MMP9: variants seen among roughly 807,000 people sequenced by gnomAD.
MMP9 encodes the protein matrix metallopeptidase 9.
Under a neutral mutation model 76.4 loss-of-function variants are expected in MMP9, and 73 were observed. The observed-to-expected ratio is 0.96, with a 90% CI of 0.79 to 1.16. The LOEUF is 1.16. MMP9 is among the 50% of genes most tolerant of loss of function. The pLI is 0.00. For missense variants in MMP9, 943 were observed against 973.0 expected, an observed-to-expected ratio of 0.97 and a Z score of 0.41; for synonymous variants, 412 against 408.4, an observed-to-expected ratio of 1.01 and a Z score of -0.11.
chr20:46,014,520 C>T (rs565319462), intron 12 of MMP9, 46 bp downstream of exon 12: 50 of 1,490,016 alleles, frequency 3.4e-5, no homozygotes, highest in Non-Finnish European at 4.5e-5. Context: ...CACTAAGCTC[C>T]TCTTAGTGAG....
At chr20:46,010,777 T>C (rs1296040751) in intron 3 of MMP9, 145 bp from the exon 4 acceptor site, 6 of 1,555,594 alleles carry the variant, frequency 3.9e-6, no homozygotes, top group Non-Finnish European at 5.2e-6. Flanking sequence ...TGCCAGACAG[T>C]GCACAGGGCC....
chr20:46,011,461 T>C (rs1174851447), intron 5 of MMP9, 113 bp from the exon 6 acceptor site: 1 of 1,568,920 alleles, frequency 6.4e-7, no homozygotes. Context: ...TGAGAAATGA[T>C]GAGAGATGGG....
At chr20:46,012,351 G>C (rs1204172684) in intron 7 of MMP9, 38 bp downstream of exon 7, 2 of 1,612,630 alleles carry the variant, frequency 1.2e-6, no homozygotes, top group Admixed American at 1.7e-5. Context: ...TGGGGTTCCC[G>C]GCAGTGGTGG....
chr20:46,010,320 A>AC (rs2084267995), intron 2 of MMP9, among the ~76,000 whole-genome samples, 163 bp from the exon 3 acceptor site: 1 of 99,368 alleles, frequency 1.0e-5, no homozygotes, highest in Non-Finnish European at 1.9e-5. Flanking sequence ...GTCTAAGTAG[A>AC]CAAAAAAAAA....
At position 46,010,971 on chromosome 20, in the gene MMP9, C is replaced by A. The variant is rs778997562; in HGVS notation, c.570C>A (p.His190Gln). 6.2e-7 allele frequency: 1 copy of A among 1,614,230 alleles called. No homozygotes were observed. Among genetic ancestry groups the A allele is most frequent in the South Asian group, 1.1e-5 (1 of 91,088 alleles). ...PFDGKDGLLA[H>Q]AFPPGPGIQG... ...ACGGGAAGGACGGGCTCCTGGCACA[C>A]GCCTTTCCTCCTGGCCCCGGCATTC... The change falls in exon 4 of 13, where the codon CAC (histidine) becomes CAA (glutamine). Residue 190 changes from histidine (H) to glutamine (Q), a missense_variant. Physicochemically the swap from His to Gln is conservative, Grantham distance 24. Transcript: ENST00000372330.
At chr20:46,012,026 C>A in intron 6 of MMP9, 111 bp from the exon 7 acceptor site, 1 of 1,410,682 alleles carries the variant, frequency 7.1e-7, no homozygotes, top group Non-Finnish European at 9.7e-7. Flanking sequence ...CTCAGGAGTG[C>A]TCTACAGCGC....
chr20:46,016,402 T>A lies in MMP9; in HGVS notation c.*34T>A. The A allele has an allele frequency of 1.3e-6, 2 of 1,567,218 alleles. No individual in the cohort carries two copies. Among genetic ancestry groups the A allele is most frequent in the Non-Finnish European group, 1.8e-6 (2 of 1,137,536 alleles). ...TCCTGCTTTGGCAGTGCCATGTAAATCCCCACTGGGACCAACCCTGGGGAA... is the reference window on the plus strand; with the variant it reads ...TCCTGCTTTGGCAGTGCCATGTAAAACCCCACTGGGACCAACCCTGGGGAA... On this transcript the variant is annotated 3_prime_UTR_variant, in exon 13 of 13. Transcript: ENST00000372330.
chr20:46,014,835 G>A (rs1304819876), intron 12 of MMP9: 1 of 285,930 alleles, frequency 3.5e-6, no homozygotes, highest in Non-Finnish European at 6.7e-6. Context: ...CTTTGGGCAA[G>A]TCACTGCTTC....
Position 46,008,968 on chromosome 20 carries a change from G to A in MMP9, c.42G>A (p.Leu14=). The change falls in exon 1 of 13, where the codon CTG becomes CTA. Residue 14 remains leucine (L), a synonymous_variant. Transcript: ENST00000372330. ...CCCTGGTCCTGGTGCTCCTGGTGCTGGGCTGCTGCTTTGCTGCCCCCAGAC... is the reference window on the plus strand; with the variant it reads ...CCCTGGTCCTGGTGCTCCTGGTGCTAGGCTGCTGCTTTGCTGCCCCCAGAC... ...WQPLVLVLLV[L]GCCFAAPRQR... 1.2e-6 allele frequency: 2 copies of A among 1,614,022 alleles called. No homozygotes were observed. Among genetic ancestry groups the A allele is most frequent in the East Asian group, 4.5e-5 (2 of 44,866 alleles).
At chr20:46,010,342 C>CAAAAA in intron 2 of MMP9, 141 bp from the exon 3 acceptor site, 1 of 325,038 alleles carries the variant, frequency 3.1e-6, no homozygotes, top group Non-Finnish European at 5.4e-6. Flanking sequence ...AAAAAAAAAA[C>CAAAAA]AGTCTGGAAG....
At chr20:46,014,700 T>G in intron 12 of MMP9, 1 of 607,318 alleles carries the variant, frequency 1.6e-6, no homozygotes, top group Non-Finnish European at 2.9e-6. Flanking sequence ...AAGCTCTTTC[T>G]CCTTCAGTAC....
rs542977358 is a variant in MMP9 at position 46,009,777 on chromosome 20, T to C, written c.139-89T>C. 9.7e-6 allele frequency: 11 copies of C among 1,133,088 alleles called. No homozygotes were observed. In the South Asian group the frequency reaches 1.5e-4, roughly 15 times the overall value. The allele number at this position is 1,133,088 out of a possible 1,614,324, so 70.2% of individuals were successfully genotyped here. On this transcript the variant is annotated intron_variant, in intron 1 of 12. Transcript: ENST00000372330. Reference sequence around the variant, plus strand: ...AAAAAGAAAAAGAAAAAAGACTCCCTCCATGAGTGTCTGGAGGGAGTCCTT... The same window carrying C: ...AAAAAGAAAAAGAAAAAAGACTCCCCCCATGAGTGTCTGGAGGGAGTCCTT...
Position 46,010,332 on chromosome 20 carries a change from A to AAAAAAACAAACAAACAAAC in MMP9, c.372-145_372-144insCAAACAAACAAACAAAAAA, listed in dbSNP as rs1568846641. ...AGGGTCTAAGTAGACAAAAAAAAAA[A>AAAAAAACAAACAAACAAAC]AAAAAAAAACAGTCTGGAAGCAATT... On this transcript the variant is annotated intron_variant, in intron 2 of 12. Transcript: ENST00000372330. 3 of 772,216 alleles carry AAAAAAACAAACAAACAAAC rather than the reference A, an allele frequency of 3.9e-6. No individual in the cohort carries two copies. In the African/African-American group the frequency reaches 5.5e-5, roughly 14 times the overall value. 47.8% of individuals were successfully genotyped at this position (772,216 alleles called of 1,614,324 possible).
chr20:46,011,568 C>CCCCAGGACTCTACA lies in MMP9; in HGVS notation c.827_840dup. 1.2e-5 allele frequency: 19 copies of CCCCAGGACTCTACA among 1,613,972 alleles called. No homozygotes were observed. The highest frequency in any genetic ancestry group is 1.5e-5 in the Non-Finnish European group (18 of 1,179,998). On this transcript the variant is annotated splice_polypyrimidine_tract_variant and splice_region_variant and intron_variant, in intron 5 of 12. Coordinates refer to ENST00000372330, the MANE Select transcript of MMP9 (RefSeq NM_004994.3). ...CTCCCCCTTTCCCACATCCTCCTCG[C>CCCCAGGACTCTACA]CCCAGGACTCTACACCCAGGACGGC...
chr20:46,010,133 G>A lies in MMP9; in HGVS notation c.371+35G>A, dbSNP rs546856294. 24 of 1,481,340 alleles carry A rather than the reference G, an allele frequency of 1.6e-5. No individual in the cohort carries two copies. The East Asian group carries it at 5.5e-4, about 34-fold the overall frequency. 91.8% of individuals were successfully genotyped at this position (1,481,340 alleles called of 1,614,324 possible). On this transcript the variant is annotated intron_variant, in intron 2 of 12. Coordinates refer to ENST00000372330, the MANE Select transcript of MMP9 (RefSeq NM_004994.3). ...GGCCGTGGGGGCAGCGGGGTGGGGC[G>A]GGGAGGCCAGGTCTGGCTCTTGGGC...
intron 5 of MMP9, 49 bp downstream of exon 5, chr20:46,011,365 G>A: frequency 6.3e-7 from 1 of 1,589,208 alleles, no homozygotes. Flanking sequence ...CACCCTTGAT[G>A]GTCCTGGGTT....
rs1555856939 is a variant in MMP9 at position 46,010,330 on chromosome 20, A to AAAACAAAAAAAAAC, written c.372-150_372-149insCAAAAAAAAACAAA. On this transcript the variant is annotated intron_variant, in intron 2 of 12. Coordinates refer to ENST00000372330, the MANE Select transcript of MMP9 (RefSeq NM_004994.3). ...TGAGGGTCTAAGTAGACAAAAAAAAAAAAAAAAAAAACAGTCTGGAAGCAA... is the reference window on the plus strand; with the variant it reads ...TGAGGGTCTAAGTAGACAAAAAAAAAAAACAAAAAAAAACAAAAAAAAAAACAGTCTGGAAGCAA... 0.011 allele frequency among the ~76,000 whole-genome samples: 1,117 copies of AAAACAAAAAAAAAC among 101,940 alleles called. 61 individuals carry two copies. The highest frequency in any genetic ancestry group is 0.014 in the Non-Finnish European group (679 of 47,108). 66.9% of individuals were successfully genotyped at this position (101,940 alleles called of 152,430 possible). A position where few individuals can be genotyped will look rare whatever the true frequency, so the allele number is the denominator to read the frequency against.
chr20:46,012,666 G>T, intron 8 of MMP9, 84 bp downstream of exon 8: 1 of 1,540,668 alleles, frequency 6.5e-7, no homozygotes. Flanking sequence ...TGGGGATCGG[G>T]GGAGGAACGG....
chr20:46,010,768 G>T (rs2084273512), intron 3 of MMP9, 137 bp downstream of exon 3: 1 of 1,547,736 alleles, frequency 6.5e-7, no homozygotes, highest in African/African-American at 1.4e-5. Flanking sequence ...GGCCCCTCCT[G>T]CCAGACAGTG....
Sources: allele counts gnomAD v4.1 joint callset (sites outside exome capture counted in the v4.1 genomes callset), GRCh38; gene constraint gnomAD v4.1.1; transcripts MANE v1.5; gene names NCBI Gene and HGNC (gene_info 2026-07-23, HGNC 2026-07-21).